TACR1: variants seen among roughly 807,000 people sequenced by gnomAD.
TACR1 encodes tachykinin receptor 1.
Under a neutral mutation model 35.8 loss-of-function variants are expected in TACR1, and 25 were observed. The ratio of observed to expected loss-of-function variants is 0.70; its 90% CI spans 0.51 to 0.98. TACR1 has a LOEUF of 0.98. Ranked by LOEUF, TACR1 falls within the 50% of genes least tolerant of loss-of-function variation. The pLI is 0.00. For missense variants in TACR1, 478 were observed against 522.9 expected (o/e 0.91, Z 0.84); for synonymous variants, 195 against 206.7 (o/e 0.94, Z 0.48).
Position 75,160,390 on chromosome 2 carries a change from AT to A in TACR1, c.389+38155del, listed in dbSNP as rs1383418539. On this transcript the variant is annotated intron_variant, in intron 1 of 4. Coordinates refer to ENST00000305249, the MANE Select transcript of TACR1 (RefSeq NM_001058.4). ...TTTGTTTGATTTATTTGTTATGCAAATAAATCCAAAATAAATTAGAAAATAT... is the reference window on the plus strand; with the variant it reads ...TTTGTTTGATTTATTTGTTATGCAAAAAATCCAAAATAAATTAGAAAATAT... Among the ~76,000 whole-genome samples, 3 of 152,294 alleles carry A rather than the reference AT, an allele frequency of 2.0e-5. No individual in the cohort carries two copies. The East Asian group carries it at 5.8e-4, about 29-fold the overall frequency.
At chr2:75,145,895 A>C (rs58913381) in intron 1 of TACR1, among the ~76,000 whole-genome samples, 1 of 152,142 alleles carries the variant, frequency 6.6e-6, no homozygotes, top group Non-Finnish European at 1.5e-5. Flanking sequence ...GGGAGATTTG[A>C]ATTACAGATC....
rs1228594755 is a variant in TACR1 at position 75,046,909 on chromosome 2, T to G, written c.*2523A>C. 1.3e-5 allele frequency: 2 copies of G among 152,242 alleles called. No homozygotes were observed. The highest frequency in any genetic ancestry group is 2.9e-5 in the Non-Finnish European group (2 of 68,052). The allele number at this position is 152,242 out of a possible 1,614,324, so 9.4% of individuals were successfully genotyped here. The stretch of plus-strand genomic sequence containing the variant: ...TTCATATTCTATTACTACTGGACAT[T>G]ACACCAAGTAAACACACTTGGATAA... On this transcript the variant is annotated 3_prime_UTR_variant, in exon 5 of 5. Coordinates refer to ENST00000305249, the MANE Select transcript of TACR1 (RefSeq NM_001058.4).
At chr2:75,060,596 C>T (rs1483310909) in intron 2 of TACR1, among the ~76,000 whole-genome samples, 1 of 152,134 alleles carries the variant, frequency 6.6e-6, no homozygotes, top group Non-Finnish European at 1.5e-5. Context: ...AAGACAGAAG[C>T]AAATCACAAA....
chr2:75,160,546 T>A (rs1014754486), intron 1 of TACR1, among the ~76,000 whole-genome samples: 1 of 151,766 alleles, frequency 6.6e-6, no homozygotes, highest in Non-Finnish European at 1.5e-5. Flanking sequence ...TAAAGAATGA[T>A]TGAGATGAGA....
intron 2 of TACR1, among the ~76,000 whole-genome samples, chr2:75,113,532 C>CTTTTTTTTTTTTTTTT (rs11437762): frequency 3.4e-4 from 31 of 92,076 alleles, no homozygotes; most frequent in South Asian, 8.3e-4. Flanking sequence ...TTTCTTCTTC[C>CTTTTTTTTTTTTTTTT]TTTTTTTTTT....
chr2:75,185,517 A>G (rs538239892), intron 1 of TACR1, among the ~76,000 whole-genome samples: 1 of 152,132 alleles, frequency 6.6e-6, no homozygotes, highest in Non-Finnish European at 1.5e-5. Context: ...TCTGCAATTC[A>G]ATATGGAATT....
chr2:75,183,672 G>T (rs926844696), intron 1 of TACR1, among the ~76,000 whole-genome samples: 1 of 152,156 alleles, frequency 6.6e-6, no homozygotes, highest in Non-Finnish European at 1.5e-5. Context: ...GCTGGCTTTT[G>T]CCTTGATCAC....
At chr2:75,090,678 C>T (rs1673291085) in intron 2 of TACR1, 1 of 153,590 alleles carries the variant, frequency 6.5e-6, no homozygotes, top group Non-Finnish European at 1.5e-5. Flanking sequence ...AATCACCACT[C>T]TTTTAATCTG....
rs116328879 is a variant in TACR1, at chr2:75,098,904, A to G, written c.584+21670T>C. On this transcript the variant is annotated intron_variant, in intron 2 of 4. Transcript: ENST00000305249. ...ATATGTGTTCTTTGTAGTTCTTGCA[A>G]ATTAAGGCTTTTTTTTTTTTTCTTT... Among the ~76,000 whole-genome samples, 303 of 149,402 alleles carry G rather than the reference A, an allele frequency of 2.0e-3. 2 individuals are homozygous for G. Among genetic ancestry groups the G allele is most frequent in the African/African-American group, 7.4e-3 (296 of 40,240 alleles).
chr2:75,146,497 A>C (rs112788663), intron 1 of TACR1, among the ~76,000 whole-genome samples: 18 of 152,290 alleles, frequency 1.2e-4, no homozygotes, highest in African/African-American at 4.3e-4. Context: ...GTTACAGAGG[A>C]ATCAGGCAAG....
At chr2:75,169,034 A>G (rs959382957) in intron 1 of TACR1, among the ~76,000 whole-genome samples, 1 of 152,204 alleles carries the variant, frequency 6.6e-6, no homozygotes, top group African/African-American at 2.4e-5. Context: ...CTAATTTACA[A>G]TCGCTTTATT....
chr2:75,157,464 T>C (rs2012372), intron 1 of TACR1, among the ~76,000 whole-genome samples: 41,340 of 152,112 alleles, frequency 0.27, 6,452 homozygotes, highest in African/African-American at 0.41. Context: ...AATCAGAGCT[T>C]GCATTGTTAA....
chr2:75,085,258 A>G (rs1363498895), intron 2 of TACR1, among the ~76,000 whole-genome samples: 2 of 151,660 alleles, frequency 1.3e-5, no homozygotes, highest in Non-Finnish European at 2.9e-5. Flanking sequence ...CAACCAATCA[A>G]CACCCCCAAT....
At chr2:75,121,124 A>G (rs1272656667) in intron 1 of TACR1, among the ~76,000 whole-genome samples, 1 of 152,236 alleles carries the variant, frequency 6.6e-6, no homozygotes, top group East Asian at 1.9e-4. Flanking sequence ...TTCAATGTAA[A>G]GACTGACTTT....
chr2:75,137,856 A>T (rs968516464), intron 1 of TACR1, among the ~76,000 whole-genome samples: 1 of 151,432 alleles, frequency 6.6e-6, no homozygotes, highest in Admixed American at 6.6e-5. Flanking sequence ...TCCTATACTC[A>T]TCTACTTTCT....
At chr2:75,177,559 T>G (rs1675455758) in intron 1 of TACR1, among the ~76,000 whole-genome samples, 1 of 152,226 alleles carries the variant, frequency 6.6e-6, no homozygotes, top group Non-Finnish European at 1.5e-5. Context: ...AGTCCAACAA[T>G]TCTTAATACT....
chr2:75,104,928 TG>T (rs1262273828), intron 2 of TACR1, among the ~76,000 whole-genome samples: 2 of 151,976 alleles, frequency 1.3e-5, no homozygotes, highest in African/African-American at 4.8e-5. Context: ...TACTTGTGCA[TG>T]GTTGATGGGA....
chr2:75,077,805 G>A (rs1673009654), intron 2 of TACR1, among the ~76,000 whole-genome samples: 1 of 152,272 alleles, frequency 6.6e-6, no homozygotes, highest in African/African-American at 2.4e-5. Flanking sequence ...AGGTATAAGG[G>A]AAGGCCCCCA....
chr2:75,069,704 A>T (rs1414796479), intron 2 of TACR1, among the ~76,000 whole-genome samples: 1 of 152,146 alleles, frequency 6.6e-6, no homozygotes, highest in Non-Finnish European at 1.5e-5. Flanking sequence ...AGTATTGGTC[A>T]GATATTTTGT....
Sources: allele counts gnomAD v4.1 joint callset (sites outside exome capture counted in the v4.1 genomes callset), GRCh38; gene constraint gnomAD v4.1.1; transcripts MANE v1.5; gene names NCBI Gene and HGNC (gene_info 2026-07-23, HGNC 2026-07-21).